Variants in TMEM164 observed in about 807,000 individuals in gnomAD.
TMEM164 encodes the protein transmembrane protein 164, also known as RP13-360B22.2.
Under a neutral mutation model 18.8 loss-of-function variants are expected in TMEM164, and 4 were observed. The observed-to-expected ratio is 0.21, with a 90% CI of 0.10 to 0.49. The LOEUF is 0.49. TMEM164 is among the 20% of genes least tolerant of loss of function. The pLI is 0.98. For missense variants in TMEM164, 108 were observed against 239.9 expected (o/e 0.45, Z 3.63); for synonymous variants, 86 against 101.7 (o/e 0.85, Z 0.93).
chrX:110,111,430 T>G (rs776014066), intron 4 of TMEM164, among the ~76,000 whole-genome samples: 8 of 112,433 alleles, frequency 7.1e-5, no homozygotes. Context: ...TTATCATCTC[T>G]CTGCTCCCCC....
At chrX:110,040,846 G>T (rs1935058514) in intron 2 of TMEM164, among the ~76,000 whole-genome samples, 1 of 111,432 alleles carries the variant, frequency 9.0e-6, no homozygotes, top group African/African-American at 3.3e-5. Context: ...CTTTCAGCTT[G>T]ATTTGAAGAA....
chrX:110,172,747 T>C (rs1215089864), intron 6 of TMEM164, among the ~76,000 whole-genome samples: 1 of 112,030 alleles, frequency 8.9e-6, no homozygotes, highest in Non-Finnish European at 1.9e-5. Context: ...ACTTCTGTCA[T>C]GAAATCTTCT....
At chrX:110,053,629 C>CT (rs1259973812) in intron 2 of TMEM164, among the ~76,000 whole-genome samples, 1 of 112,066 alleles carries the variant, frequency 8.9e-6, no homozygotes, top group Admixed American at 9.4e-5. Context: ...GGCTTTGACT[C>CT]TGACACAATT....
intron 3 of TMEM164, among the ~76,000 whole-genome samples, chrX:110,101,644 C>A (rs1402334141): frequency 3.8e-5 from 4 of 104,969 alleles, no homozygotes; most frequent in Non-Finnish European, 7.8e-5. Flanking sequence ...CAGTGGCATG[C>A]TCATGGCTCA....
intron 5 of TMEM164, among the ~76,000 whole-genome samples, chrX:110,159,758 C>A (rs1462390635): frequency 9.0e-6 from 1 of 111,314 alleles, no homozygotes; most frequent in East Asian, 2.8e-4. Context: ...CTAGAGGAAT[C>A]TTCAACTTCC....
Position 110,085,016 on chromosome X carries a change from T to G in TMEM164, c.440+17620T>G, listed in dbSNP as rs750261663. On this transcript the variant is annotated intron_variant, in intron 3 of 6. Transcript: ENST00000372068. The stretch of plus-strand genomic sequence containing the variant: ...TATACCTGTTTCATAGAGTCCATGT[T>G]TTCTTTCATTCTATTGAGGATGTAA... Among the ~76,000 whole-genome samples the G allele has an allele frequency of 2.7e-5, 3 of 111,245 alleles. No homozygotes were observed. The East Asian group carries it at 8.5e-4, about 31-fold the overall frequency.
At chrX:110,099,130 G>C (rs2066072452) in intron 3 of TMEM164, among the ~76,000 whole-genome samples, 1 of 109,453 alleles carries the variant, frequency 9.1e-6, no homozygotes, top group Non-Finnish European at 1.9e-5. Context: ...TGAATTTCAG[G>C]ATTCTTTATA....
At chrX:110,083,503 T>A (rs1268353552) in intron 3 of TMEM164, among the ~76,000 whole-genome samples, 2 of 111,051 alleles carry the variant, frequency 1.8e-5, no homozygotes, top group Non-Finnish European at 3.8e-5. Context: ...CCTAGCGCAT[T>A]ACCCACACTT....
At chrX:110,184,169 T>TG (rs1333860126), downstream of TMEM164, among the ~76,000 whole-genome samples, 1 of 109,068 alleles carries the variant, frequency 9.2e-6, no homozygotes, top group Non-Finnish European at 1.9e-5. Context: ...ATAGGAAATA[T>TG]GGGGGAACTG....
At chrX:110,074,218 G>T (rs2065638919) in intron 3 of TMEM164, among the ~76,000 whole-genome samples, 1 of 111,485 alleles carries the variant, frequency 9.0e-6, no homozygotes, top group Non-Finnish European at 1.9e-5. Flanking sequence ...AGTGATAAGA[G>T]ATTTTTTCAT....
At chrX:110,116,429 G>A (rs908643926) in intron 4 of TMEM164, among the ~76,000 whole-genome samples, 7 of 111,651 alleles carry the variant, frequency 6.3e-5, no homozygotes, top group Non-Finnish European at 1.3e-4. Flanking sequence ...AAGCCTTGAG[G>A]GATGGTTAGA....
intron 3 of TMEM164, among the ~76,000 whole-genome samples, chrX:110,098,509 C>A (rs1025342251): frequency 9.0e-6 from 1 of 110,609 alleles, no homozygotes; most frequent in African/African-American, 3.3e-5. Flanking sequence ...TAAAAAAAAC[C>A]TTTATAAGAT....
intron 2 of TMEM164, among the ~76,000 whole-genome samples, chrX:110,035,192 C>T (rs1004467285): frequency 1.3e-4 from 14 of 106,834 alleles, no homozygotes; most frequent in African/African-American, 4.5e-4. Context: ...GCACGTTGTG[C>T]ACATGTACCC....
chrX:110,122,430 T>G (rs2066464493), intron 4 of TMEM164, among the ~76,000 whole-genome samples: 3 of 64,398 alleles, frequency 4.7e-5, no homozygotes, highest in African/African-American at 6.1e-5. Flanking sequence ...TGTTGTGGGG[T>G]TGGGGGAGGG....
intron 5 of TMEM164, among the ~76,000 whole-genome samples, chrX:110,146,757 T>C (rs1240949428): frequency 8.9e-6 from 1 of 111,926 alleles, no homozygotes; most frequent in East Asian, 2.8e-4. Flanking sequence ...TGCTGTTCAC[T>C]TGGGGGGAAT....
At chrX:110,122,009 C>T (rs2066456353) in intron 4 of TMEM164, among the ~76,000 whole-genome samples, 1 of 111,944 alleles carries the variant, frequency 8.9e-6, no homozygotes, top group African/African-American at 3.2e-5. Context: ...ATCTGAAGTG[C>T]TTGAATGAGC....
chrX:110,131,623 G>T (rs905317258), intron 4 of TMEM164, among the ~76,000 whole-genome samples: 1 of 110,365 alleles, frequency 9.1e-6, no homozygotes, highest in Non-Finnish European at 1.9e-5. Context: ...GCACAGTTTG[G>T]CCTCCACATA....
At chrX:110,084,369 A>ATATATATATAGTATATATATATAGTATAG (rs2065807134) in intron 3 of TMEM164, among the ~76,000 whole-genome samples, 2 of 60,902 alleles carry the variant, frequency 3.3e-5, no homozygotes, top group Non-Finnish European at 5.5e-5. Context: ...ATAGTATAGT[A>ATATATATATAGTATATATATATAGTATAG]TATATATAGT....
intron 2 of TMEM164, among the ~76,000 whole-genome samples, chrX:110,026,316 C>T (rs1934185461): frequency 9.0e-6 from 1 of 111,544 alleles, no homozygotes; most frequent in East Asian, 2.8e-4. Context: ...ACGACTGGGG[C>T]GGAAATCTCC....
Sources: gnomAD v4.1 joint callset for allele counts (sites outside exome capture counted in the v4.1 genomes callset) on GRCh38, gnomAD v4.1.1 for gene constraint, MANE v1.5 for transcripts, NCBI Gene and HGNC (gene_info 2026-07-23, HGNC 2026-07-21) for gene names.